The following STON2 variants were observed in gnomAD, a reference collection of about 807,000 sequenced individuals.
STON2 encodes stonin 2, also known as stonin-2.
In STON2, 29 loss-of-function variants were observed where a neutral mutation model predicts 65.7. That is an observed-to-expected ratio of 0.44 (90% CI 0.33 to 0.60). STON2 has a LOEUF of 0.60. Among genes scored for constraint, STON2 ranks in the 20% least tolerant of loss-of-function variants. STON2 has a pLI of 0.03. For missense variants in STON2, 1,054 were observed against 1,118.1 expected (o/e 0.94, Z 0.82); for synonymous variants, 404 against 414.2 (o/e 0.98, Z 0.30).
intron 3 of STON2, among the ~76,000 whole-genome samples, chr14:81,374,744 G>C (rs139858941): frequency 1.3e-5 from 2 of 152,110 alleles, no homozygotes; most frequent in African/African-American, 4.8e-5. Context: ...GGAGGGCAGC[G>C]TGAGACAGTC....
Position 81,267,362 on chromosome 14 carries a change from G to C in STON2, c.*1052C>G, listed in dbSNP as rs543101895. 4.1e-6 allele frequency: 4 copies of C among 985,286 alleles called. No homozygotes were observed. In the East Asian group the frequency reaches 4.5e-4, roughly 112 times the overall value. The allele number at this position is 985,286 out of a possible 1,614,324, so 61.0% of individuals were successfully genotyped here. A position where few individuals can be genotyped will look rare whatever the true frequency, so the allele number is the denominator to read the frequency against. The stretch of plus-strand genomic sequence containing the variant: ...TCCAATACTGTGATTATCAAACTCT[G>C]AATTTTGGGGGAAAGCTCATTCAAG... On this transcript the variant is annotated 3_prime_UTR_variant, in exon 8 of 8. Transcript: ENST00000614646.
chr14:81,264,385 C>T lies in STON2; in HGVS notation c.*4029G>A, dbSNP rs1036549035. ...TGATAAGTAAGGGTTAAGTAGCCTT[C>T]GAGTCTCAGGGTCAGTATTCTTTCA... is the stretch of plus-strand genomic sequence containing the variant. On this transcript the variant is annotated 3_prime_UTR_variant, in exon 8 of 8. Transcript: ENST00000614646. 3 of 985,428 alleles carry T rather than the reference C, an allele frequency of 3.0e-6. No individual in the cohort carries two copies. Among genetic ancestry groups the T allele is most frequent in the Non-Finnish European group, 3.6e-6 (3 of 829,940 alleles). 61.0% of individuals were successfully genotyped at this position (985,428 alleles called of 1,614,324 possible).
At chr14:81,359,782 T>TA in intron 4 of STON2, among the ~76,000 whole-genome samples, 1 of 152,164 alleles carries the variant, frequency 6.6e-6, no homozygotes, top group East Asian at 1.9e-4. Flanking sequence ...ATAAATTCCC[T>TA]AACAAATGTA....
intron 2 of STON2, among the ~76,000 whole-genome samples, chr14:81,414,485 A>G (rs1303069183): frequency 6.6e-6 from 1 of 152,148 alleles, no homozygotes; most frequent in Non-Finnish European, 1.5e-5. Flanking sequence ...CCAGATAGGG[A>G]GTGCTGCTGT....
intron 4 of STON2, among the ~76,000 whole-genome samples, chr14:81,348,812 C>A (rs1361475772): frequency 2.8e-4 from 42 of 152,072 alleles, no homozygotes; most frequent in Non-Finnish European, 1.5e-5. Context: ...GCAAAAAGAA[C>A]CATCTGAAGG....
intron 2 of STON2, among the ~76,000 whole-genome samples, chr14:81,412,552 G>C (rs905502997): frequency 1.4e-5 from 2 of 139,436 alleles, no homozygotes; most frequent in Non-Finnish European, 3.0e-5. Flanking sequence ...TAACAGAATA[G>C]AAAGTAGAAT....
intron 4 of STON2, among the ~76,000 whole-genome samples, chr14:81,331,841 G>C (rs757106133): frequency 6.6e-6 from 1 of 152,184 alleles, no homozygotes; most frequent in African/African-American, 2.4e-5. Context: ...ACTGTGGGAA[G>C]GGCCAGAGGA....
rs1894273307 is a variant in STON2, at chr14:81,264,229, A to C, written c.*4185T>G. 1 of 985,476 alleles carries C rather than the reference A, an allele frequency of 1.0e-6. No homozygotes were observed. Among genetic ancestry groups the C allele is most frequent in the Non-Finnish European group, 1.2e-6 (1 of 829,932 alleles). 61.0% of individuals were successfully genotyped at this position (985,476 alleles called of 1,614,324 possible). On this transcript the variant is annotated 3_prime_UTR_variant, in exon 8 of 8. Transcript: ENST00000614646. The stretch of plus-strand genomic sequence containing the variant: ...AGGTACATTGTAGTTCAAATTCAGC[A>C]GCATATTAAGTGCCTAAATGCTGAC...
chr14:81,435,425 A>G (rs1326064679), intron 1 of STON2, among the ~76,000 whole-genome samples: 3 of 152,124 alleles, frequency 2.0e-5, no homozygotes, highest in African/African-American at 7.2e-5. Flanking sequence ...GGTGTTTTTC[A>G]GGCATTGGCT....
At chr14:81,367,825 G>A (rs1407580986) in intron 4 of STON2, among the ~76,000 whole-genome samples, 1 of 125,650 alleles carries the variant, frequency 8.0e-6, no homozygotes, top group African/African-American at 3.1e-5. Flanking sequence ...GAGGTAAGAT[G>A]CAAAGGAAGA....
intron 4 of STON2, among the ~76,000 whole-genome samples, chr14:81,339,827 T>C (rs903874632): frequency 4.6e-5 from 7 of 152,238 alleles, no homozygotes; most frequent in African/African-American, 1.7e-4. Flanking sequence ...TAATGGATTA[T>C]TGGTACACAT....
At chr14:81,294,433 G>A (rs1304876876) in intron 5 of STON2, among the ~76,000 whole-genome samples, 1 of 152,112 alleles carries the variant, frequency 6.6e-6, no homozygotes, top group East Asian at 1.9e-4. Flanking sequence ...GCTCCATGCT[G>A]GTTCATCTCT....
intron 5 of STON2, among the ~76,000 whole-genome samples, chr14:81,308,824 A>ATATATATG (rs1479394128): frequency 9.6e-5 from 1 of 10,462 alleles, no homozygotes; most frequent in African/African-American, 3.8e-4. Context: ...ATATATATAT[A>ATATATATG]TGTGTGTGTG....
intron 2 of STON2, among the ~76,000 whole-genome samples, chr14:81,406,996 T>C (rs769451477): frequency 7.7e-4 from 117 of 152,330 alleles, no homozygotes; most frequent in Non-Finnish European, 9.4e-4. Flanking sequence ...ATGACTGCTG[T>C]GCTTGGCTTA....
chr14:81,262,336 C>T lies in STON2; in HGVS notation c.*6078G>A. 10 of 985,448 alleles carry T rather than the reference C, an allele frequency of 1.0e-5. No individual in the cohort carries two copies. The highest frequency in any genetic ancestry group is 1.2e-5 in the Non-Finnish European group (10 of 829,934). 61.0% of individuals were successfully genotyped at this position (985,448 alleles called of 1,614,324 possible). A position where few individuals can be genotyped will look rare whatever the true frequency, so the allele number is the denominator to read the frequency against. ...AATGTCCTCGTGTCTAGCCTTTCCT[C>T]CCTTTAGGGAAGCTGGCTGCTAACA... On this transcript the variant is annotated 3_prime_UTR_variant, in exon 8 of 8. Transcript: ENST00000614646.
At chr14:81,293,128 A>G (rs941156008) in intron 5 of STON2, among the ~76,000 whole-genome samples, 8 of 151,238 alleles carry the variant, frequency 5.3e-5, no homozygotes, top group African/African-American at 1.7e-4. Context: ...AGTTATTCAG[A>G]CGGTGGCACC....
chr14:81,307,777 AT>A (rs1421037602), intron 5 of STON2, among the ~76,000 whole-genome samples: 1 of 152,068 alleles, frequency 6.6e-6, no homozygotes, highest in Admixed American at 6.5e-5. Context: ...TCTTAATAAC[AT>A]TTTCTTTTCT....
chr14:81,267,770 C>A lies in STON2; in HGVS notation c.*644G>T. The A allele has an allele frequency of 2.0e-6, 2 of 985,344 alleles. No homozygotes were observed. The highest frequency in any genetic ancestry group is 2.4e-6 in the Non-Finnish European group (2 of 829,914). 61.0% of individuals were successfully genotyped at this position (985,344 alleles called of 1,614,324 possible). ...CCTTTTTCCATTGTCTATTGTGACT[C>A]AGGATAGCAAATCCTGTGACTGAAA... On this transcript the variant is annotated 3_prime_UTR_variant, in exon 8 of 8. Transcript: ENST00000614646.
intron 2 of STON2, among the ~76,000 whole-genome samples, chr14:81,418,964 C>T (rs1901573043): frequency 1.3e-5 from 2 of 151,934 alleles, no homozygotes; most frequent in Admixed American, 1.3e-4. Flanking sequence ...AAAACTGGGT[C>T]TGAGATTTTG....
Sources: gnomAD v4.1 joint callset for allele counts (sites outside exome capture counted in the v4.1 genomes callset) on GRCh38, gnomAD v4.1.1 for gene constraint, MANE v1.5 for transcripts, NCBI Gene and HGNC (gene_info 2026-07-23, HGNC 2026-07-21) for gene names.